Variants in RYR2 observed in about 807,000 individuals in gnomAD.
RYR2 encodes the protein ryanodine receptor 2.
In RYR2, 227 loss-of-function variants were observed where a neutral mutation model predicts 601.1. The ratio of observed to expected loss-of-function variants is 0.38; its 90% confidence interval spans 0.34 to 0.42. RYR2 has a LOEUF of 0.42. RYR2 is among the 10% of genes least tolerant of loss of function. The pLI is 1.00. For missense variants in RYR2, 4,646 were observed against 6,156.5 expected, an observed-to-expected ratio of 0.75 and a Z score of 8.21; for synonymous variants, 2,223 against 2,175.1, an observed-to-expected ratio of 1.02 and a Z score of -0.61.
intron 1 of RYR2, among the ~76,000 whole-genome samples, chr1:237,074,771 C>A (rs551605609): frequency 6.6e-6 from 1 of 152,158 alleles, no homozygotes; most frequent in East Asian, 1.9e-4. Flanking sequence ...GAGGGCAGTC[C>A]ATCAGAGATG....
At chr1:237,151,673 TTTG>T (rs960581647) in intron 1 of RYR2, among the ~76,000 whole-genome samples, 61 of 152,206 alleles carry the variant, frequency 4.0e-4, no homozygotes, top group African/African-American at 1.4e-3. Context: ...AGCCATTGTT[TTTG>T]TTGTTGTGTG....
chr1:237,569,342 T>A (rs1158013027), intron 29 of RYR2, 23 bp downstream of exon 29: 1 of 1,605,406 alleles, frequency 6.2e-7, no homozygotes, highest in Non-Finnish European at 8.5e-7. Context: ...TGTTTTGTGT[T>A]TTTTTTAAGT....
At chr1:237,366,128 G>A (rs923929383) in intron 5 of RYR2, among the ~76,000 whole-genome samples, 6 of 152,198 alleles carry the variant, frequency 3.9e-5, no homozygotes, top group African/African-American at 1.2e-4. Flanking sequence ...TACGGAAAAG[G>A]CATTAACTTC....
intron 89 of RYR2, among the ~76,000 whole-genome samples, 195 bp downstream of exon 89, chr1:237,781,841 C>T (rs185141741): frequency 5.9e-4 from 90 of 152,252 alleles, no homozygotes; most frequent in Admixed American, 1.5e-3. Flanking sequence ...TCTCAGTTTA[C>T]ATATCTACAA....
intron 2 of RYR2, among the ~76,000 whole-genome samples, chr1:237,328,532 A>AAGT (rs1462118666): frequency 2.0e-5 from 3 of 152,078 alleles, no homozygotes; most frequent in African/African-American, 7.2e-5. Flanking sequence ...CAGGAATGGA[A>AAGT]AGTGATTGGG....
chr1:237,245,390 C>T (rs1686707602), intron 1 of RYR2, among the ~76,000 whole-genome samples: 1 of 152,106 alleles, frequency 6.6e-6, no homozygotes, highest in South Asian at 2.1e-4. Context: ...TAAAGGGAAA[C>T]ATGCTCCTGT....
chr1:237,511,943 G>A (rs1407911354), intron 24 of RYR2, among the ~76,000 whole-genome samples, 152 bp downstream of exon 24: 2 of 151,614 alleles, frequency 1.3e-5, no homozygotes, highest in African/African-American at 4.8e-5. Context: ...AAGTGGATTG[G>A]ATCAGTATTT....
At chr1:237,590,067 G>T in intron 30 of RYR2, 66 bp downstream of exon 30, 1 of 1,365,938 alleles carries the variant, frequency 7.3e-7, no homozygotes, top group Non-Finnish European at 1.0e-6. Flanking sequence ...TTATACAAAG[G>T]AACTTCTGCT....
intron 29 of RYR2, among the ~76,000 whole-genome samples, chr1:237,586,256 G>A (rs191639389): frequency 6.6e-6 from 1 of 152,020 alleles, no homozygotes; most frequent in Admixed American, 6.5e-5. Flanking sequence ...AGTTTATTTT[G>A]TTGAGCCCTA....
chr1:237,381,566 A>G (rs1701525088), intron 8 of RYR2, among the ~76,000 whole-genome samples: 1 of 152,202 alleles, frequency 6.6e-6, no homozygotes, highest in Non-Finnish European at 1.5e-5. Flanking sequence ...ACTAACAGCG[A>G]TGGTTAAGCT....
chr1:237,059,539 A>G (rs1185844515), intron 1 of RYR2, among the ~76,000 whole-genome samples: 1 of 152,158 alleles, frequency 6.6e-6, no homozygotes, highest in Non-Finnish European at 1.5e-5. Flanking sequence ...TTTTGTGGGC[A>G]GGGAAAAATT....
At chr1:237,355,382 A>G (rs571353516) in intron 3 of RYR2, among the ~76,000 whole-genome samples, 1 of 152,296 alleles carries the variant, frequency 6.6e-6, no homozygotes, top group East Asian at 1.9e-4. Context: ...TAAGTTTTAA[A>G]GAGCCACATA....
At position 237,506,829 on chromosome 1, in the gene RYR2, A is replaced by T. The variant is rs769881678; in HGVS notation, c.2718+15A>T. 7 of 1,602,826 alleles carry T rather than the reference A, an allele frequency of 4.4e-6. No homozygotes were observed. In the East Asian group the frequency reaches 1.3e-4, roughly 31 times the overall value. On this transcript the variant is annotated intron_variant, in intron 23 of 104. Coordinates refer to ENST00000366574, the MANE Select transcript of RYR2 (RefSeq NM_001035.3). ...AGTATGGTCCGGTATGTAATTTTGA[A>T]ATTTATTTTCAGATTCTGTGAATAC...
At chr1:237,464,317 T>C (rs1212089121) in intron 16 of RYR2, among the ~76,000 whole-genome samples, 3 of 152,186 alleles carry the variant, frequency 2.0e-5, no homozygotes, top group African/African-American at 7.2e-5. Context: ...AGAGTGAAAG[T>C]GTAGCCACAG....
At chr1:237,368,769 G>A (rs1206696006) in intron 5 of RYR2, among the ~76,000 whole-genome samples, 1 of 151,942 alleles carries the variant, frequency 6.6e-6, no homozygotes, top group Non-Finnish European at 1.5e-5. Flanking sequence ...TCAATTTTGT[G>A]TTCTAGGAAT....
intron 63 of RYR2, among the ~76,000 whole-genome samples, chr1:237,689,028 C>T (rs994394034): frequency 2.6e-5 from 4 of 151,952 alleles, no homozygotes; most frequent in African/African-American, 7.3e-5. Flanking sequence ...TTTGGGATGT[C>T]GTGGTGAGAG....
chr1:237,488,170 G>C (rs1040857161), intron 17 of RYR2, among the ~76,000 whole-genome samples: 4 of 151,918 alleles, frequency 2.6e-5, no homozygotes, highest in African/African-American at 9.7e-5. Flanking sequence ...TTAACTTCTT[G>C]GTCTTTTTTC....
intron 102 of RYR2, among the ~76,000 whole-genome samples, chr1:237,829,405 C>T (rs952364892): frequency 3.9e-5 from 6 of 152,058 alleles, no homozygotes; most frequent in Admixed American, 1.3e-4. Flanking sequence ...GCATCCTCAG[C>T]GAGGGACTTG....
chr1:237,801,831 G>C (rs9428384), intron 97 of RYR2, 25 bp from the exon 98 acceptor site: 2 of 1,455,954 alleles, frequency 1.4e-6, no homozygotes, highest in South Asian at 1.2e-5. Flanking sequence ...GCATAACTAC[G>C]CATTTTTTTT....
Sources: allele counts gnomAD v4.1 joint callset (sites outside exome capture counted in the v4.1 genomes callset), GRCh38; gene constraint gnomAD v4.1.1; transcripts MANE v1.5; gene names NCBI Gene and HGNC (gene_info 2026-07-23, HGNC 2026-07-21).